GALNTL6: variants seen among roughly 807,000 people sequenced by gnomAD.
The protein encoded by GALNTL6 is polypeptide N-acetylgalactosaminyltransferase-like 6.
A neutral mutation model predicts 73.7 loss-of-function variants in GALNTL6; 46 were observed. The ratio of observed to expected loss-of-function variants is 0.62; its 90% confidence interval spans 0.49 to 0.80. The LOEUF is 0.80. Among genes scored for constraint, GALNTL6 ranks in the 30% least tolerant of loss-of-function variants. The pLI, the probability that GALNTL6 is intolerant of heterozygous loss-of-function variation, is 0.00. For missense variants in GALNTL6, 604 were observed against 755.0 expected, an observed-to-expected ratio of 0.80 and a Z score of 2.34; for synonymous variants, 259 against 263.7, an observed-to-expected ratio of 0.98 and a Z score of 0.17.
At chr4:172,143,489 TTTTTG>T (rs1278211597) in intron 2 of GALNTL6, among the ~76,000 whole-genome samples, 2 of 152,040 alleles carry the variant, frequency 1.3e-5, no homozygotes, top group African/African-American at 2.4e-5. Flanking sequence ...GGTTTGAGGA[TTTTTG>T]TTTTGTTTTG....
At chr4:172,227,438 A>G (rs1269284132) in intron 2 of GALNTL6, among the ~76,000 whole-genome samples, 1 of 152,136 alleles carries the variant, frequency 6.6e-6, no homozygotes, top group Admixed American at 6.5e-5. Context: ...CCAGTCTTCT[A>G]TGGGTGGGAG....
chr4:172,666,336 A>G (rs1731664275), intron 5 of GALNTL6, among the ~76,000 whole-genome samples: 1 of 152,206 alleles, frequency 6.6e-6, no homozygotes, highest in South Asian at 2.1e-4. Flanking sequence ...GAAATGGAGC[A>G]TGAAAGTTAT....
At chr4:172,086,414 G>A (rs1732035053) in intron 2 of GALNTL6, among the ~76,000 whole-genome samples, 1 of 151,892 alleles carries the variant, frequency 6.6e-6, no homozygotes, top group South Asian at 2.1e-4. Context: ...TTATTTCTGT[G>A]CAAGCTATTT....
rs1045728329 is a variant in GALNTL6, at chr4:172,169,619, A to G, written c.139-60037A>G. 6.6e-5 allele frequency among the ~76,000 whole-genome samples: 10 copies of G among 152,204 alleles called. No individual in the cohort carries two copies. In the East Asian group the frequency reaches 1.9e-3, roughly 29 times the overall value. ...AGGATAGAAAGATACCTAAGCAGAT[A>G]TTAGTCATTTTGACTAATACATACA... On this transcript the variant is annotated intron_variant, in intron 2 of 12. Coordinates refer to ENST00000506823, the MANE Select transcript of GALNTL6 (RefSeq NM_001034845.3).
At chr4:172,997,847 T>A (rs1751866556) in intron 10 of GALNTL6, among the ~76,000 whole-genome samples, 1 of 152,208 alleles carries the variant, frequency 6.6e-6, no homozygotes, top group African/African-American at 2.4e-5. Flanking sequence ...ATGTTCCCCA[T>A]AAATTCACAC....
At chr4:172,129,661 CAT>C (rs1389562962) in intron 2 of GALNTL6, among the ~76,000 whole-genome samples, 8 of 152,238 alleles carry the variant, frequency 5.3e-5, no homozygotes, top group Non-Finnish European at 7.4e-5. Context: ...AAATATTAAA[CAT>C]GTGTGGAGAC....
chr4:171,976,286 T>C (rs564604811), intron 2 of GALNTL6, among the ~76,000 whole-genome samples: 5 of 152,354 alleles, frequency 3.3e-5, no homozygotes, highest in African/African-American at 1.2e-4. Flanking sequence ...TGTCGTTACA[T>C]AATTTGCATT....
At chr4:172,217,218 T>G (rs757974798) in intron 2 of GALNTL6, among the ~76,000 whole-genome samples, 5 of 152,164 alleles carry the variant, frequency 3.3e-5, no homozygotes, top group Non-Finnish European at 7.4e-5. Flanking sequence ...AGAGACTCTC[T>G]ACAGATGCAA....
chr4:172,979,505 C>T (rs973642287), intron 10 of GALNTL6, among the ~76,000 whole-genome samples: 2 of 152,202 alleles, frequency 1.3e-5, no homozygotes, highest in South Asian at 2.1e-4. Context: ...TCATATCTAG[C>T]GTATACCTTA....
chr4:171,916,272 AC>A (rs1175677554), intron 2 of GALNTL6, among the ~76,000 whole-genome samples: 1 of 152,046 alleles, frequency 6.6e-6, no homozygotes, highest in Non-Finnish European at 1.5e-5. Context: ...AAAAGCAAAT[AC>A]TTTGCAGACT....
chr4:172,661,303 C>T (rs1731356661), intron 5 of GALNTL6, among the ~76,000 whole-genome samples: 1 of 152,208 alleles, frequency 6.6e-6, no homozygotes, highest in Non-Finnish European at 1.5e-5. Flanking sequence ...AACTGCAACT[C>T]ACCCCTGGGT....
At position 172,868,290 on chromosome 4, in the gene GALNTL6, C is replaced by T. The variant is rs140212695; in HGVS notation, c.924-14500C>T. 3.9e-3 allele frequency among the ~76,000 whole-genome samples: 588 copies of T among 152,270 alleles called. 2 individuals are homozygous for T. Among genetic ancestry groups the T allele is most frequent in the African/African-American group, 0.014 (567 of 41,550 alleles). The stretch of plus-strand genomic sequence containing the variant: ...TAATACCATCCAGCTTAAATGGAGA[C>T]CCTGCCTCCACATAAATCAAAGCAC... On this transcript the variant is annotated intron_variant, in intron 7 of 12. Coordinates refer to ENST00000506823, the MANE Select transcript of GALNTL6 (RefSeq NM_001034845.3).
At chr4:172,503,553 T>TATATATATATATATATATATATA (rs1554031112) in intron 5 of GALNTL6, among the ~76,000 whole-genome samples, 5 of 145,692 alleles carry the variant, frequency 3.4e-5, no homozygotes, top group East Asian at 2.0e-4. Context: ...TATATATGTA[T>TATATATATATATATATATATATA]TAGTTTTTTG....
At chr4:172,468,032 A>G (rs1424760040) in intron 5 of GALNTL6, among the ~76,000 whole-genome samples, 2 of 151,560 alleles carry the variant, frequency 1.3e-5, no homozygotes, top group Non-Finnish European at 2.9e-5. Context: ...AGCTGGGACT[A>G]TAGGCATACA....
intron 5 of GALNTL6, among the ~76,000 whole-genome samples, chr4:172,492,711 A>G (rs988907291): frequency 1.3e-5 from 2 of 152,156 alleles, no homozygotes; most frequent in African/African-American, 2.4e-5. Flanking sequence ...AGTTTCCCTA[A>G]TTCTAAAATG....
At chr4:171,858,595 A>G (rs1195774835) in intron 2 of GALNTL6, among the ~76,000 whole-genome samples, 1 of 152,100 alleles carries the variant, frequency 6.6e-6, no homozygotes, top group Non-Finnish European at 1.5e-5. Context: ...AAAAACCAAC[A>G]TTATGCAATA....
intron 2 of GALNTL6, among the ~76,000 whole-genome samples, chr4:172,112,508 C>T (rs1035728000): frequency 6.6e-6 from 1 of 151,938 alleles, no homozygotes; most frequent in African/African-American, 2.4e-5. Context: ...TTTTGATTCC[C>T]ATCAGCAATG....
rs545649531 is a variant in GALNTL6, at chr4:172,236,553, C to T, written c.247+6789C>T. ...CAGCCTGGGCGACAGAGTAAGACTCCGTCTCAAATAAAAAAAAAAAGTATA... is the reference window on the plus strand; with the variant it reads ...CAGCCTGGGCGACAGAGTAAGACTCTGTCTCAAATAAAAAAAAAAAGTATA... On this transcript the variant is annotated intron_variant, in intron 3 of 12. Transcript: ENST00000506823. 4.1e-3 allele frequency among the ~76,000 whole-genome samples: 199 copies of T among 48,128 alleles called. 1 individual carries two copies. Among genetic ancestry groups the T allele is most frequent in the Non-Finnish European group, 4.5e-3 (109 of 24,358 alleles). 31.6% of individuals were successfully genotyped at this position (48,128 alleles called of 152,430 possible). A position where few individuals can be genotyped will look rare whatever the true frequency, so the allele number is the denominator to read the frequency against.
Position 172,095,395 on chromosome 4 carries a change from T to C in GALNTL6, c.139-134261T>C, listed in dbSNP as rs566054343. On this transcript the variant is annotated intron_variant, in intron 2 of 12. Transcript: ENST00000506823. The stretch of plus-strand genomic sequence containing the variant: ...GCGTGTACGAAGGGATGCAATAGAC[T>C]GGGTCTGGAAGTGGTGGAAAAAAAT... 3.3e-5 allele frequency among the ~76,000 whole-genome samples: 5 copies of C among 152,130 alleles called. No homozygotes were observed. The South Asian group carries it at 8.3e-4, about 25-fold the overall frequency.
Sources: gnomAD v4.1 joint callset for allele counts (sites outside exome capture counted in the v4.1 genomes callset) on GRCh38, gnomAD v4.1.1 for gene constraint, MANE v1.5 for transcripts, NCBI Gene and HGNC (gene_info 2026-07-23, HGNC 2026-07-21) for gene names.